The following SUFU variants were observed in gnomAD, a reference collection of about 807,000 sequenced individuals.
The protein encoded by SUFU is suppressor of fused homolog.
A neutral mutation model predicts 58.9 loss-of-function variants in SUFU; 7 were observed. That is an observed-to-expected ratio of 0.12 (90% CI 0.07 to 0.22). The LOEUF (loss-of-function observed/expected upper bound fraction) is 0.22. Ranked by LOEUF, SUFU falls within the 10% of genes least tolerant of loss-of-function variation. The pLI is 1.00. For missense variants in SUFU, 451 were observed against 641.3 expected, an observed-to-expected ratio of 0.70 and a Z score of 3.20; for synonymous variants, 232 against 254.8, an observed-to-expected ratio of 0.91 and a Z score of 0.85.
At chr10:102,546,836 T>A (rs1026441598) in intron 2 of SUFU, among the ~76,000 whole-genome samples, 2 of 152,166 alleles carry the variant, frequency 1.3e-5, no homozygotes, top group African/African-American at 2.4e-5. Flanking sequence ...GCCGGGCCTG[T>A]CCCTCCCACC....
chr10:102,623,499 G>GT lies in SUFU; in HGVS notation c.1297-3675dup, dbSNP rs140549550. ...GGACTGCTGATTTTCCAGGTCATTG[G>GT]TAAAAACCAAAGCTACCTTCACCTC... is the stretch of plus-strand genomic sequence containing the variant. On this transcript the variant is annotated intron_variant, in intron 10 of 11. Coordinates refer to ENST00000369902, the MANE Select transcript of SUFU (RefSeq NM_016169.4). Among the ~76,000 whole-genome samples, 236 of 152,318 alleles carry GT rather than the reference G, an allele frequency of 1.5e-3. 1 individual carries two copies. Among genetic ancestry groups the GT allele is most frequent in the African/African-American group, 5.4e-3 (225 of 41,566 alleles).
At chr10:102,615,845 G>T (rs947339470) in intron 9 of SUFU, among the ~76,000 whole-genome samples, 1 of 152,186 alleles carries the variant, frequency 6.6e-6, no homozygotes, top group Non-Finnish European at 1.5e-5. Context: ...TGACCAGAGA[G>T]CCCCACTGGT....
chr10:102,630,221 A>T lies in SUFU; in HGVS notation c.*66A>T. 1 of 1,295,656 alleles carries T rather than the reference A, an allele frequency of 7.7e-7. No homozygotes were observed. The allele number at this position is 1,295,656 out of a possible 1,614,324, so 80.3% of individuals were successfully genotyped here. The stretch of plus-strand genomic sequence containing the variant: ...GCTCCCCAGTGACTTCCAGTGTAAC[A>T]GTTGTGTCAACGAGATCTCCACAAA... On this transcript the variant is annotated 3_prime_UTR_variant, in exon 12 of 12. Transcript: ENST00000369902.
intron 8 of SUFU, 49 bp from the exon 9 acceptor site, chr10:102,615,219 C>T (rs1564706349): frequency 6.2e-7 from 1 of 1,613,734 alleles, no homozygotes; most frequent in Non-Finnish European, 8.5e-7. Flanking sequence ...CTTGCTCCTC[C>T]CTGAGCTTTT....
In SUFU at chr10:102,631,845, A is replaced by G. The variant is rs955282121; in HGVS notation, c.*1690A>G. ...AGAGTTAAAAGGCATATCAGCCTGG[A>G]GTATTTGGGAGAGACTGGCTGCAGA... On this transcript the variant is annotated 3_prime_UTR_variant, in exon 12 of 12. Coordinates refer to ENST00000369902, the MANE Select transcript of SUFU (RefSeq NM_016169.4). 4.3e-6 allele frequency: 1 copy of G among 233,288 alleles called. No homozygotes were observed. Among genetic ancestry groups the G allele is most frequent in the East Asian group, 6.0e-5 (1 of 16,582 alleles). The allele number at this position is 233,288 out of a possible 1,614,324, so 14.5% of individuals were successfully genotyped here.
chr10:102,516,128 T>TC (rs755222043), intron 2 of SUFU, among the ~76,000 whole-genome samples: 2 of 61,802 alleles, frequency 3.2e-5, no homozygotes, highest in African/African-American at 1.3e-4. Context: ...TTCTTTTCTT[T>TC]TTTTTTTTTT....
At chr10:102,606,682 C>T (rs1444855742) in intron 8 of SUFU, among the ~76,000 whole-genome samples, 1 of 152,088 alleles carries the variant, frequency 6.6e-6, no homozygotes, top group African/African-American at 2.4e-5. Flanking sequence ...CATGCCGGTG[C>T]ACAGAGGAAA....
chr10:102,616,930 C>A (rs977657161), intron 9 of SUFU, among the ~76,000 whole-genome samples: 2 of 152,342 alleles, frequency 1.3e-5, no homozygotes, highest in Admixed American at 6.5e-5. Flanking sequence ...ATGTGACCCC[C>A]CTCTTACCTC....
chr10:102,569,655 G>A (rs2135798235), intron 3 of SUFU, among the ~76,000 whole-genome samples: 1 of 152,292 alleles, frequency 6.6e-6, no homozygotes, highest in Middle Eastern at 3.4e-3. Flanking sequence ...CTGATTGGTA[G>A]GGAAACTTTG....
At chr10:102,521,482 G>T (rs7090276) in intron 2 of SUFU, among the ~76,000 whole-genome samples, 53,296 of 151,906 alleles carry the variant, frequency 0.35, 9,502 homozygotes, top group African/African-American at 0.39. Context: ...AGTTGCTGTT[G>T]GTTTTAACTG....
chr10:102,504,042 G>C lies in SUFU; in HGVS notation c.-111G>C. 1.4e-6 allele frequency: 2 copies of C among 1,387,250 alleles called. No individual in the cohort carries two copies. Among genetic ancestry groups the C allele is most frequent in the Non-Finnish European group, 1.9e-6 (2 of 1,053,250 alleles). The allele number at this position is 1,387,250 out of a possible 1,614,324, so 85.9% of individuals were successfully genotyped here. On this transcript the variant is annotated 5_prime_UTR_variant, in exon 1 of 12. Transcript: ENST00000369902. The stretch of plus-strand genomic sequence containing the variant: ...AGGCGCGGAGCTAGACCTCGCTGCA[G>C]CCCCCATCGCCTCGGGGAGTCTCAC...
intron 10 of SUFU, among the ~76,000 whole-genome samples, chr10:102,624,385 T>G (rs929867114): frequency 6.6e-5 from 10 of 152,244 alleles, no homozygotes; most frequent in African/African-American, 2.4e-4. Flanking sequence ...AGGGCCTGTT[T>G]GTTCAATCCA....
intron 8 of SUFU, among the ~76,000 whole-genome samples, chr10:102,604,531 A>G (rs903329291): frequency 3.3e-5 from 5 of 152,168 alleles, no homozygotes; most frequent in South Asian, 2.1e-4. Context: ...GAGTTGCACA[A>G]TCAGGGGTAT....
intron 3 of SUFU, among the ~76,000 whole-genome samples, chr10:102,589,442 C>CTTTTTTTTCTTTT (rs2063371771): frequency 1.5e-5 from 1 of 65,358 alleles, no homozygotes; most frequent in Non-Finnish European, 2.6e-5. Context: ...TTCTTTCTTT[C>CTTTTTTTTCTTTT]TTTTTTTTTT....
Position 102,503,983 on chromosome 10 carries a change from C to A in SUFU, c.-170C>A. 1.0e-6 allele frequency: 1 copy of A among 980,504 alleles called. No homozygotes were observed. The highest frequency in any genetic ancestry group is 1.4e-6 in the Non-Finnish European group (1 of 719,200). The allele number at this position is 980,504 out of a possible 1,614,324, so 60.7% of individuals were successfully genotyped here. On this transcript the variant is annotated 5_prime_UTR_variant, in exon 1 of 12. Coordinates refer to ENST00000369902, the MANE Select transcript of SUFU (RefSeq NM_016169.4). ...AGGCACCCTCTGGCAGACTCGGCGGCGGCGACAGCCTGGGCGGACAGTGCG... is the reference window on the plus strand; with the variant it reads ...AGGCACCCTCTGGCAGACTCGGCGGAGGCGACAGCCTGGGCGGACAGTGCG...
intron 3 of SUFU, among the ~76,000 whole-genome samples, chr10:102,564,099 G>A (rs2063065287): frequency 6.6e-6 from 1 of 152,214 alleles, no homozygotes; most frequent in South Asian, 2.1e-4. Context: ...AGGGAGATCA[G>A]GCTTTGCCTC....
At chr10:102,572,185 C>A (rs1365315488) in intron 3 of SUFU, among the ~76,000 whole-genome samples, 2 of 151,932 alleles carry the variant, frequency 1.3e-5, no homozygotes, top group Non-Finnish European at 2.9e-5. Context: ...CCTGCCTCAG[C>A]CTCCCGAGTA....
intron 3 of SUFU, among the ~76,000 whole-genome samples, chr10:102,568,891 A>ATATAT: frequency 2.5e-5 from 1 of 40,080 alleles, no homozygotes; most frequent in African/African-American, 1.3e-4. Flanking sequence ...AAAAAAAAAA[A>ATATAT]AAAAAAATAT....
chr10:102,527,224 G>T (rs944284785), intron 2 of SUFU, among the ~76,000 whole-genome samples: 1 of 151,770 alleles, frequency 6.6e-6, no homozygotes, highest in African/African-American at 2.4e-5. Context: ...GGATGGTCTC[G>T]ATCTCCTGAC....
Sources: allele counts gnomAD v4.1 joint callset (sites outside exome capture counted in the v4.1 genomes callset), GRCh38; gene constraint gnomAD v4.1.1; transcripts MANE v1.5; gene names NCBI Gene and HGNC (gene_info 2026-07-23, HGNC 2026-07-21).